MVP: variants seen among roughly 807,000 people sequenced by gnomAD.
MVP encodes lung resistance-related protein.
A neutral mutation model predicts 83.5 loss-of-function variants in MVP; 62 were observed. The ratio of observed to expected loss-of-function variants is 0.74; its 90% confidence interval spans 0.61 to 0.92. The LOEUF is 0.92. Ranked by LOEUF, MVP falls within the 40% of genes least tolerant of loss-of-function variation. The pLI is 0.00. For synonymous variants in MVP, 505 were observed against 504.1 expected (o/e 1.00, Z -0.02); for missense variants, 1,000 against 1,203.4 (o/e 0.83, Z 2.50).
chr16:29,835,813 G>T lies in MVP; in HGVS notation c.672+15G>T, dbSNP rs1168983221. The T allele has an allele frequency of 1.2e-6, 2 of 1,611,822 alleles. No individual in the cohort carries two copies. The highest frequency in any genetic ancestry group is 1.7e-6 in the Non-Finnish European group (2 of 1,178,920). ...TTACGGAAAAGGTTGGTGCTCTGGG[G>T]GCTGTGGTTTAAGGGACCTGGGGCT... On this transcript the variant is annotated intron_variant, in intron 6 of 14. Coordinates refer to ENST00000357402, the MANE Select transcript of MVP (RefSeq NM_005115.5).
Position 29,841,708 on chromosome 16 carries a change from C to A in MVP, c.1304C>A (p.Ala435Glu). 1 of 1,612,536 alleles carries A rather than the reference C, an allele frequency of 6.2e-7. No individual in the cohort carries two copies. The change falls in exon 9 of 15, where the codon GCA (alanine) becomes GAA (glutamate). Residue 435 changes from alanine (A) to glutamate (E), a missense_variant. Physicochemically the swap from Ala to Glu is moderately radical, Grantham distance 107 (BLOSUM62 -1). Coordinates refer to ENST00000357402, the MANE Select transcript of MVP (RefSeq NM_005115.5). This position sits in a 1 kb window ranked among gnomAD's most constrained non-coding sequence, Gnocchi z 4.7. ...CTGAACAAGGGGCAGGACCCTCTGGCAGACAGGGGTGAGAAGGACACAGCT... is the reference window on the plus strand; with the variant it reads ...CTGAACAAGGGGCAGGACCCTCTGGAAGACAGGGGTGAGAAGGACACAGCT... ...ELLNKGQDPL[A>E]DRGEKDTAKS...
At chr16:29,823,550 T>C (rs926981990) in intron 1 of MVP, among the ~76,000 whole-genome samples, 19 of 151,930 alleles carry the variant, frequency 1.3e-4, no homozygotes, top group Admixed American at 1.3e-4. Flanking sequence ...CTCTCAATCC[T>C]GGATATATAT....
intron 1 of MVP, among the ~76,000 whole-genome samples, chr16:29,828,406 G>A (rs1475610033): frequency 6.6e-6 from 1 of 151,750 alleles, no homozygotes; most frequent in African/African-American, 2.4e-5. Flanking sequence ...TGAGATTGGA[G>A]TCTCGCTCTG....
intron 1 of MVP, among the ~76,000 whole-genome samples, chr16:29,821,785 C>T (rs2067363500): frequency 6.6e-6 from 1 of 152,212 alleles, no homozygotes; most frequent in African/African-American, 2.4e-5. Flanking sequence ...CTTAACACTA[C>T]CTGGCACAGA....
Position 29,846,183 on chromosome 16 carries a change from G to T in MVP, c.2164G>T (p.Ala722Ser), listed in dbSNP as rs1005827010. ...LSMAVESTGT[A>S]KAEAESRAEA... Reference sequence around the variant, plus strand: ...CATGGCCGTGGAGAGCACCGGGACTGCCAAGGCGGAGGCCGAGTCCCGTGC... The same window carrying T: ...CATGGCCGTGGAGAGCACCGGGACTTCCAAGGCGGAGGCCGAGTCCCGTGC... The change falls in exon 13 of 15, where the codon GCC becomes TCC. Residue 722 changes from alanine (A) to serine (S), a missense_variant. Ala to Ser is a moderately conservative substitution (Grantham distance 99). Coordinates refer to ENST00000357402, the MANE Select transcript of MVP (RefSeq NM_005115.5). The T allele has an allele frequency of 6.2e-7, 1 of 1,610,620 alleles. No homozygotes were observed.
intron 10 of MVP, among the ~76,000 whole-genome samples, chr16:29,842,784 C>CGCAAATCCAGGGAGG (rs1354158911): frequency 1.3e-5 from 2 of 152,180 alleles, no homozygotes; most frequent in Non-Finnish European, 2.9e-5. Context: ...TAGGAGTTCA[C>CGCAAATCCAGGGAGG]GCAAATCCAG....
At chr16:29,822,046 C>T (rs1217018466) in intron 1 of MVP, among the ~76,000 whole-genome samples, 3 of 150,660 alleles carry the variant, frequency 2.0e-5, no homozygotes, top group Non-Finnish European at 2.9e-5. Context: ...AGCAACATAG[C>T]GAGACCCTGT....
intron 1 of MVP, among the ~76,000 whole-genome samples, chr16:29,825,413 C>T (rs2067398166): frequency 6.6e-6 from 1 of 152,204 alleles, no homozygotes; most frequent in Non-Finnish European, 1.5e-5. Flanking sequence ...CTGCGCATGT[C>T]ATCTGGAAGG....
chr16:29,831,445 TTC>T (rs2150752965), intron 3 of MVP, among the ~76,000 whole-genome samples: 1 of 152,090 alleles, frequency 6.6e-6, no homozygotes, highest in South Asian at 2.1e-4. Flanking sequence ...TGAGCCACTG[TTC>T]CCGGCCTGTA....
chr16:29,842,065 C>T lies in MVP; in HGVS notation c.1587C>T (p.Ile529=), dbSNP rs1252991872. 9.3e-6 allele frequency: 15 copies of T among 1,608,462 alleles called. No individual in the cohort carries two copies. The Admixed American group carries it at 1.0e-4, about 11-fold the overall frequency. ...ACTTCTTCACAGACGTCATCACCAT[C>T]GAAACGGCGGATCATGCCAGGCTGC... ...GPDFFTDVIT[I]ETADHARLQL... Residue 529 remains isoleucine, a synonymous_variant, in exon 10 of 15, where the codon ATC becomes ATT. Coordinates refer to ENST00000357402, the MANE Select transcript of MVP (RefSeq NM_005115.5).
At position 29,847,194 on chromosome 16, in the gene MVP, C is replaced by T. The variant is rs772701057; in HGVS notation, c.2266-3C>T. 18 of 1,612,398 alleles carry T rather than the reference C, an allele frequency of 1.1e-5. No individual in the cohort carries two copies. The Admixed American group carries it at 2.0e-4, about 18-fold the overall frequency. ...AAAGAATGATTGATTTTTCCTCTTC[C>T]AGGAGGCTGAGCTCCAGAGGGTCCA... On this transcript the variant is annotated splice_polypyrimidine_tract_variant and splice_region_variant and intron_variant, in intron 13 of 14. Coordinates refer to ENST00000357402, the MANE Select transcript of MVP (RefSeq NM_005115.5).
At chr16:29,821,156 T>C (rs978265930) in intron 1 of MVP, 3 of 152,238 alleles carry the variant, frequency 2.0e-5, no homozygotes, top group Non-Finnish European at 4.4e-5. Context: ...TTCTGGGGAT[T>C]TTAGAGCTGT....
intron 8 of MVP, 141 bp downstream of exon 8, chr16:29,840,600 CA>C (rs2067527133): frequency 2.1e-6 from 2 of 973,936 alleles, no homozygotes; most frequent in African/African-American, 3.3e-5. Context: ...TGGGGGAGGG[CA>C]CTACGTGGAG....
intron 6 of MVP, among the ~76,000 whole-genome samples, chr16:29,836,284 A>C (rs1415494430): frequency 6.6e-6 from 1 of 151,560 alleles, no homozygotes; most frequent in Non-Finnish European, 1.5e-5. Flanking sequence ...AAAAAAAAAA[A>C]ACAAAGCCGG....
At chr16:29,821,581 C>T (rs1411891310) in intron 1 of MVP, among the ~76,000 whole-genome samples, 1 of 152,182 alleles carries the variant, frequency 6.6e-6, no homozygotes, top group East Asian at 1.9e-4. Flanking sequence ...ACAGCCCCAC[C>T]CAGGTCCTCT....
rs2150762978 is a variant in MVP at position 29,847,916 on chromosome 16, A to AG, written c.2613dup (p.Ile872AspfsTer27). The AG allele has an allele frequency of 6.2e-7, 1 of 1,613,612 alleles. No individual in the cohort carries two copies. The highest frequency in any genetic ancestry group is 1.3e-5 in the African/African-American group (1 of 75,022). On this transcript the variant is annotated frameshift_variant, in exon 15 of 15. Coordinates refer to ENST00000357402, the MANE Select transcript of MVP (RefSeq NM_005115.5). LOFTEE classifies it low-confidence loss of function (END_TRUNC). ...GTGGCCAGTGGGCCCAGCCCTGGGGAGGGGATATCCCCCCAGTCTGCTCAG... is the reference window on the plus strand; with the variant it reads ...GTGGCCAGTGGGCCCAGCCCTGGGGAGGGGGATATCCCCCCAGTCTGCTCAG...
chr16:29,829,183 C>G (rs1264534521), intron 1 of MVP, among the ~76,000 whole-genome samples: 1 of 151,566 alleles, frequency 6.6e-6, no homozygotes, highest in Non-Finnish European at 1.5e-5. Context: ...AGGCCACCAC[C>G]AGACAAAAGA....
chr16:29,839,368 T>C (rs948967808), intron 7 of MVP, among the ~76,000 whole-genome samples: 4 of 152,138 alleles, frequency 2.6e-5, no homozygotes, highest in Non-Finnish European at 5.9e-5. Context: ...ACGAAAATAC[T>C]CTAGACTTAA....
chr16:29,846,772 T>C (rs2067589225), intron 13 of MVP, among the ~76,000 whole-genome samples: 1 of 152,078 alleles, frequency 6.6e-6, no homozygotes, highest in African/African-American at 2.4e-5. Flanking sequence ...GGCAGGAGAA[T>C]TGCTTGAACC....
Sources: allele counts gnomAD v4.1 joint callset (sites outside exome capture counted in the v4.1 genomes callset), GRCh38; gene constraint gnomAD v4.1.1; non-coding constraint Gnocchi (gnomAD v3.1); transcripts MANE v1.5; gene names NCBI Gene and HGNC (gene_info 2026-07-23, HGNC 2026-07-21).